Variants in USP4 observed in about 807,000 individuals in gnomAD.
The protein encoded by USP4 is ubiquitin specific peptidase 4.
A neutral mutation model predicts 118.2 loss-of-function variants in USP4; 72 were observed. That is an observed-to-expected ratio of 0.61 (90% CI 0.50 to 0.74). The LOEUF (loss-of-function observed/expected upper bound fraction) is 0.74. USP4 is among the 30% of genes least tolerant of loss of function. The pLI, the probability that USP4 is intolerant of heterozygous loss-of-function variation, is 0.00. For synonymous variants in USP4, 415 were observed against 440.4 expected, an observed-to-expected ratio of 0.94 and a Z score of 0.72; for missense variants, 1,037 against 1,185.7, an observed-to-expected ratio of 0.87 and a Z score of 1.84.
At position 49,277,404 on chromosome 3, in the gene USP4, AG is replaced by A. The variant is rs2046975179; in HGVS notation, c.*888del. On this transcript the variant is annotated 3_prime_UTR_variant, in exon 22 of 22. Transcript: ENST00000265560. ...CCCGGGAAGAGTCTTGGCAGGGATG[AG>A]GAAAGAACCCGTTCTAGAAAGCATC... 2.7e-6 allele frequency: 1 copy of A among 366,234 alleles called. No individual in the cohort carries two copies. Among genetic ancestry groups the A allele is most frequent in the African/African-American group, 2.2e-5 (1 of 45,894 alleles). 22.7% of individuals were successfully genotyped at this position (366,234 alleles called of 1,614,324 possible). A position where few individuals can be genotyped will look rare whatever the true frequency, so the allele number is the denominator to read the frequency against.
At chr3:49,295,714 G>GCGCACA (rs149459963) in intron 13 of USP4, among the ~76,000 whole-genome samples, 33 of 148,416 alleles carry the variant, frequency 2.2e-4, no homozygotes, top group East Asian at 9.7e-4. Context: ...GCGCGCGCGC[G>GCGCACA]CACACACACA....
intron 1 of USP4, among the ~76,000 whole-genome samples, chr3:49,337,193 A>C (rs2047676861): frequency 6.6e-6 from 1 of 151,972 alleles, no homozygotes; most frequent in South Asian, 2.1e-4. Flanking sequence ...CACAAGAATC[A>C]CTTGCACCCG....
At position 49,280,800 on chromosome 3, in the gene USP4, T is replaced by C. The variant is rs1204618180; in HGVS notation, c.2588A>G (p.Tyr863Cys). The part of the protein sequence containing the change: ...EFVCNLSARP[Y>C]VYDLIAVSNH... ...GGACACGGCAATGAGGTCGTACACATAAGGCCTTGCTGACAGGTTACAGAC... is the reference window on the plus strand; with the variant it reads ...GGACACGGCAATGAGGTCGTACACACAAGGCCTTGCTGACAGGTTACAGAC... Residue 863 changes from tyrosine to cysteine, a missense_variant, in exon 20 of 22, where the codon TAT becomes TGT. Around this residue, in one of 3 missense-constraint regions of USP4, gnomAD observed 522 missense variants for 592.6 expected, o/e 0.88. Coordinates refer to ENST00000265560, the MANE Select transcript of USP4 (RefSeq NM_003363.4). The C allele has an allele frequency of 1.9e-6, 3 of 1,614,050 alleles. No homozygotes were observed. The highest frequency in any genetic ancestry group is 1.3e-5 in the African/African-American group (1 of 74,916).
intron 15 of USP4, among the ~76,000 whole-genome samples, chr3:49,290,883 G>A (rs1439129653): frequency 6.6e-6 from 1 of 152,098 alleles, no homozygotes; most frequent in Non-Finnish European, 1.5e-5. Context: ...CGAGGGCAAG[G>A]TGGAAGGATA....
chr3:49,284,658 G>C (rs2047074897), intron 17 of USP4, 74 bp from the exon 18 acceptor site: 1 of 1,390,708 alleles, frequency 7.2e-7, no homozygotes, highest in Admixed American at 1.7e-5. Flanking sequence ...GCCTACAGAG[G>C]CTCTCCCACC....
At chr3:49,278,748 T>G in intron 21 of USP4, 66 bp downstream of exon 21, 3 of 1,260,476 alleles carry the variant, frequency 2.4e-6, no homozygotes, top group Non-Finnish European at 3.4e-6. Context: ...ACTAGCCTGA[T>G]AGAGGCTCTT....
intron 1 of USP4, among the ~76,000 whole-genome samples, chr3:49,338,044 CAAAAAAAAAAAAAAAA>C (rs57186354): frequency 3.8e-5 from 2 of 52,080 alleles, no homozygotes; most frequent in African/African-American, 8.3e-5. Flanking sequence ...GACTTCGTCT[CAAAAAAAAAAAAAAAA>C]AAAAAAAAAA....
intron 6 of USP4, among the ~76,000 whole-genome samples, chr3:49,316,252 G>A (rs1032828668): frequency 6.6e-6 from 1 of 152,082 alleles, no homozygotes; most frequent in African/African-American, 2.4e-5. Context: ...CTGGTACCTG[G>A]AATTATAATT....
chr3:49,283,871 C>T lies in USP4; in HGVS notation c.2540+116G>A, dbSNP rs78865369. On this transcript the variant is annotated intron_variant, in intron 19 of 21. Coordinates refer to ENST00000265560, the MANE Select transcript of USP4 (RefSeq NM_003363.4). ...AGCTAAACTCTGACCTCCTAGACCC[C>T]GGCAACACACATCCTTACTCAGAAA... is the stretch of plus-strand genomic sequence containing the variant. 1,294 of 1,277,400 alleles carry T rather than the reference C, an allele frequency of 1.0e-3. 9 individuals carry two copies. In the African/African-American group the frequency reaches 0.017, roughly 17 times the overall value. The allele number at this position is 1,277,400 out of a possible 1,614,324, so 79.1% of individuals were successfully genotyped here. A position where few individuals can be genotyped will look rare whatever the true frequency, so the allele number is the denominator to read the frequency against.
chr3:49,337,362 G>C (rs1252444323), intron 1 of USP4, among the ~76,000 whole-genome samples: 1 of 151,126 alleles, frequency 6.6e-6, no homozygotes, highest in Non-Finnish European at 1.5e-5. Flanking sequence ...TGTTCATCTT[G>C]TCAAAAAGCA....
At chr3:49,322,304 T>C (rs1009727013) in intron 6 of USP4, among the ~76,000 whole-genome samples, 11 of 152,226 alleles carry the variant, frequency 7.2e-5, no homozygotes, top group African/African-American at 2.7e-4. Flanking sequence ...AGAATTTCCT[T>C]GTGTGCTTAC....
At chr3:49,311,384 A>C in intron 7 of USP4, 130 bp downstream of exon 7, 4 of 996,964 alleles carry the variant, frequency 4.0e-6, no homozygotes, top group Non-Finnish European at 5.8e-6. Flanking sequence ...GGAGTGAGAA[A>C]CTACATGTAG....
chr3:49,327,694 C>G lies in USP4; in HGVS notation c.352G>C (p.Val118Leu). ...CAATTCACATAACTCACTTTTCTGA[C>G]GATGGGTTGCTGGCCTTCTACACAG... The part of the protein sequence containing the change: ...YGCVEGQQPI[V>L]RKVVEHGLFV... The change falls in exon 3 of 22, where the codon GTC (valine) becomes CTC (leucine). Residue 118 changes from valine (V) to leucine (L), a missense_variant. Around this residue, in one of 3 missense-constraint regions of USP4, gnomAD observed 487 missense variants for 534.1 expected, o/e 0.91. Transcript: ENST00000265560. 3 of 1,614,052 alleles carry G rather than the reference C, an allele frequency of 1.9e-6. No homozygotes were observed. Among genetic ancestry groups the G allele is most frequent in the Non-Finnish European group, 2.5e-6 (3 of 1,179,978 alleles).
In USP4 at chr3:49,302,425, G is replaced by A; in HGVS notation, c.1246C>T (p.Pro416Ser). The A allele has an allele frequency of 1.2e-6, 2 of 1,614,034 alleles. No individual in the cohort carries two copies. The highest frequency in any genetic ancestry group is 8.5e-7 in the Non-Finnish European group (1 of 1,180,004). ...HEDLNRVKKKPYLELKDANGR... is the reference protein window; with the variant it reads ...HEDLNRVKKKSYLELKDANGR... ...TTGGCATCCTTCAGCTCCAAGTAGG[G>A]CTTTTTCTTTACCCGGTTCAGATCT... is the stretch of plus-strand genomic sequence containing the variant. Residue 416 changes from proline to serine, a missense_variant, in exon 10 of 22, where the codon CCC becomes TCC. Physicochemically the swap from Pro to Ser is moderately conservative, Grantham distance 74. Around this residue, in one of 3 missense-constraint regions of USP4, gnomAD observed 487 missense variants for 534.1 expected, o/e 0.91. Transcript: ENST00000265560.
At position 49,291,010 on chromosome 3, in the gene USP4, C is replaced by T. The variant is rs533810620; in HGVS notation, c.1972+1500G>A. On this transcript the variant is annotated intron_variant, in intron 15 of 21. Coordinates refer to ENST00000265560, the MANE Select transcript of USP4 (RefSeq NM_003363.4). ...TGGAGACGGAGTCTCAATCTGTCGC[C>T]CAGGCTGGAGTGCAGTGGCGTGATC... Among the ~76,000 whole-genome samples the T allele has an allele frequency of 2.8e-3, 419 of 152,020 alleles. 3 individuals carry two copies. Among genetic ancestry groups the T allele is most frequent in the African/African-American group, 9.4e-3 (389 of 41,522 alleles).
intron 2 of USP4, among the ~76,000 whole-genome samples, chr3:49,329,402 G>A (rs1353389971): frequency 3.9e-5 from 6 of 151,976 alleles, no homozygotes; most frequent in Non-Finnish European, 4.4e-5. Context: ...TTTTGTGTGT[G>A]TGTGTGGGCA....
chr3:49,283,737 A>C (rs766853417), intron 19 of USP4, among the ~76,000 whole-genome samples: 13 of 152,162 alleles, frequency 8.5e-5, no homozygotes, highest in Non-Finnish European at 1.8e-4. Context: ...CTCGAGAGGG[A>C]AACTAGCAGT....
At chr3:49,306,255 T>C (rs961273273) in intron 8 of USP4, among the ~76,000 whole-genome samples, 1 of 149,684 alleles carries the variant, frequency 6.7e-6, no homozygotes, top group African/African-American at 2.5e-5. Context: ...CAGGCTGGAG[T>C]GCAATGGTGC....
chr3:49,311,759 TTAAAA>T (rs2047385277), intron 6 of USP4, 105 bp from the exon 7 acceptor site: 1 of 1,455,212 alleles, frequency 6.9e-7, no homozygotes. Context: ...TCATATTAAG[TTAAAA>T]TAAATTACAA....
Sources: allele counts gnomAD v4.1 joint callset (sites outside exome capture counted in the v4.1 genomes callset), GRCh38; gene constraint gnomAD v4.1.1; regional missense constraint gnomAD v4.1.1; transcripts MANE v1.5; gene names NCBI Gene and HGNC (gene_info 2026-07-23, HGNC 2026-07-21).